PTCSC3: variants seen among roughly 807,000 people sequenced by gnomAD.
PTCSC3 encodes the protein papillary thyroid carcinoma susceptibility candidate 3.
At chr14:36,162,387 C>A (rs577274015) in intron 2 of PTCSC3, among the ~76,000 whole-genome samples, 151 of 151,574 alleles carry the variant, frequency 1.0e-3, no homozygotes, top group African/African-American at 3.5e-3. Flanking sequence ...TCCTGGTCTG[C>A]GGGTTGGAAA....
intron 3 of PTCSC3, among the ~76,000 whole-genome samples, chr14:36,147,872 C>T (rs1881619069): frequency 6.6e-6 from 1 of 151,862 alleles, no homozygotes; most frequent in South Asian, 2.1e-4. Context: ...GTTAGTTTTC[C>T]TTCTAACAGA....
chr14:36,135,059 C>T (rs1881255072), downstream of PTCSC3, among the ~76,000 whole-genome samples: 1 of 152,184 alleles, frequency 6.6e-6, no homozygotes, highest in African/African-American at 2.4e-5. Flanking sequence ...AATGACAGAG[C>T]TGTAGAAGCT....
At chr14:36,152,156 T>C (rs1594449532) in intron 3 of PTCSC3, among the ~76,000 whole-genome samples, 1 of 152,204 alleles carries the variant, frequency 6.6e-6, no homozygotes, top group Non-Finnish European at 1.5e-5. Flanking sequence ...GGTAAAATAG[T>C]AGAATTTCTA....
At chr14:36,166,099 A>G (rs989121946) in intron 1 of PTCSC3, among the ~76,000 whole-genome samples, 1 of 152,156 alleles carries the variant, frequency 6.6e-6, no homozygotes, top group African/African-American at 2.4e-5. Flanking sequence ...ATTAATGATC[A>G]GTTCAAAAGT....
chr14:36,162,977 T>A (rs1427763046), intron 1 of PTCSC3, among the ~76,000 whole-genome samples: 1 of 152,178 alleles, frequency 6.6e-6, no homozygotes, highest in East Asian at 1.9e-4. Flanking sequence ...TTTTTTCTTT[T>A]TGAAGAAAAT....
intron 3 of PTCSC3, among the ~76,000 whole-genome samples, chr14:36,143,110 A>G (rs901998166): frequency 1.3e-5 from 2 of 150,858 alleles, no homozygotes; most frequent in Non-Finnish European, 3.0e-5. Context: ...TAGTGCCGCA[A>G]TAAACATACG....
chr14:36,165,396 C>G (rs577794144), intron 1 of PTCSC3: 1 of 152,272 alleles, frequency 6.6e-6, no homozygotes, highest in African/African-American at 2.4e-5. Flanking sequence ...TATGGCCTCT[C>G]TGGTGATTTA....
chr14:36,153,921 C>T (rs1244944720), intron 2 of PTCSC3: 1 of 151,812 alleles, frequency 6.6e-6, no homozygotes, highest in Non-Finnish European at 1.5e-5. Flanking sequence ...AAAAATTAGC[C>T]AGTTGTGATG....
chr14:36,171,259 G>A (rs1008196118), intron 1 of PTCSC3, among the ~76,000 whole-genome samples: 3 of 152,014 alleles, frequency 2.0e-5, no homozygotes, highest in Non-Finnish European at 2.9e-5. Flanking sequence ...GATTGAGTGC[G>A]ATTATAAACA....
At chr14:36,158,557 A>G (rs1483039660) in intron 2 of PTCSC3, among the ~76,000 whole-genome samples, 1 of 152,170 alleles carries the variant, frequency 6.6e-6, no homozygotes, top group Non-Finnish European at 1.5e-5. Context: ...GATTATGTTT[A>G]TTGATTTGCA....
rs560869901 is a variant in PTCSC3 at position 36,138,387 on chromosome 14, T to G, written n.323-2031A>C. On this transcript the variant is annotated intron_variant and non_coding_transcript_variant, in intron 3 of 3. Transcript: ENST00000556013. ...CAAAACTTCTACTCTTCAAATACAC[T>G]GTTAAGAAAATGAAAAGGCAAACTA... Among the ~76,000 whole-genome samples the G allele has an allele frequency of 7.2e-4, 109 of 152,332 alleles. No individual in the cohort carries two copies. The South Asian group carries it at 0.016, about 22-fold the overall frequency.
intron 2 of PTCSC3, among the ~76,000 whole-genome samples, chr14:36,156,029 G>T (rs1881817960): frequency 6.6e-6 from 1 of 152,136 alleles, no homozygotes; most frequent in South Asian, 2.1e-4. Context: ...GTTTATGGGG[G>T]TTTCCCCTCA....
At chr14:36,147,482 C>A (rs187065150) in intron 3 of PTCSC3, among the ~76,000 whole-genome samples, 298 of 152,288 alleles carry the variant, frequency 2.0e-3, no homozygotes, top group Non-Finnish European at 2.0e-3. Flanking sequence ...GCATTCTTCA[C>A]GTTGTTCTTG....
chr14:36,175,323 C>G (rs972390649), intron 1 of PTCSC3, among the ~76,000 whole-genome samples: 3 of 152,168 alleles, frequency 2.0e-5, no homozygotes, highest in Non-Finnish European at 4.4e-5. Flanking sequence ...TATCCACTGC[C>G]TGAAATCGGA....
chr14:36,167,947 T>C (rs1882122009), intron 1 of PTCSC3, among the ~76,000 whole-genome samples: 1 of 152,100 alleles, frequency 6.6e-6, no homozygotes, highest in Non-Finnish European at 1.5e-5. Flanking sequence ...TTTTATAATG[T>C]ACCTTAGAAA....
At chr14:36,145,284 T>C (rs1220641703) in intron 3 of PTCSC3, among the ~76,000 whole-genome samples, 1 of 151,094 alleles carries the variant, frequency 6.6e-6, no homozygotes, top group African/African-American at 2.4e-5. Context: ...TGAATCCATC[T>C]GGTCCTGGAC....
downstream of PTCSC3, among the ~76,000 whole-genome samples, chr14:36,135,899 A>ATGTGTG (rs139313919): frequency 6.0e-5 from 9 of 149,440 alleles, no homozygotes; most frequent in South Asian, 1.5e-3. Context: ...GTATATATAT[A>ATGTGTG]TGTGTGTGTG....
chr14:36,157,120 A>G (rs1881847013), intron 2 of PTCSC3, among the ~76,000 whole-genome samples: 1 of 152,210 alleles, frequency 6.6e-6, no homozygotes, highest in Non-Finnish European at 1.5e-5. Flanking sequence ...CTGGCTTGAG[A>G]TGGTATCACA....
chr14:36,172,175 C>T (rs1882204554), intron 1 of PTCSC3, among the ~76,000 whole-genome samples: 1 of 152,086 alleles, frequency 6.6e-6, no homozygotes, highest in Admixed American at 6.6e-5. Flanking sequence ...TTTTAGTGGG[C>T]TTCCAGGGGT....
Sources: allele counts gnomAD v4.1 joint callset (sites outside exome capture counted in the v4.1 genomes callset), GRCh38; gene constraint gnomAD v4.1.1; transcripts MANE v1.5; gene names NCBI Gene and HGNC (gene_info 2026-07-23, HGNC 2026-07-21).